The following TTC29 variants were observed in gnomAD, a reference collection of about 807,000 sequenced individuals.
TTC29 encodes the protein tetratricopeptide repeat domain 29.
Under a neutral mutation model 58.1 loss-of-function variants are expected in TTC29, and 49 were observed. That is an observed-to-expected ratio of 0.84 (90% CI 0.67 to 1.07). TTC29 has a LOEUF of 1.07. Among genes scored for constraint, TTC29 ranks in the 50% least tolerant of loss-of-function variants. The probability of loss-of-function intolerance (pLI) is 0.00; values close to 1 mark genes in which losing one functional copy is unlikely to be tolerated. For missense variants in TTC29, 582 were observed against 555.6 expected (o/e 1.05, Z -0.48); for synonymous variants, 209 against 196.8 (o/e 1.06, Z -0.52).
intron 6 of TTC29, among the ~76,000 whole-genome samples, chr4:146,886,358 C>T (rs916091284): frequency 6.6e-6 from 1 of 152,134 alleles, no homozygotes; most frequent in Non-Finnish European, 1.5e-5. Flanking sequence ...ACTCAGTTTG[C>T]TAATCTGTTT....
chr4:146,896,989 G>A (rs186101308), intron 6 of TTC29, among the ~76,000 whole-genome samples: 13 of 152,214 alleles, frequency 8.5e-5, no homozygotes, highest in East Asian at 3.9e-4. Context: ...TAAGCCTCTG[G>A]ATTAATGCTT....
intron 11 of TTC29, among the ~76,000 whole-genome samples, chr4:146,773,843 G>T (rs770246825): frequency 1.4e-4 from 21 of 151,396 alleles, no homozygotes; most frequent in African/African-American, 4.6e-4. Context: ...TATATATCTG[G>T]TAGAATTCAG....
At chr4:146,941,217 G>A (rs73855096) in intron 2 of TTC29, among the ~76,000 whole-genome samples, 1 of 152,164 alleles carries the variant, frequency 6.6e-6, no homozygotes, top group Admixed American at 6.5e-5. Flanking sequence ...ATCCCACCCC[G>A]TCTATGTCCA....
At chr4:146,790,355 A>T (rs1357805906) in intron 11 of TTC29, among the ~76,000 whole-genome samples, 1 of 151,660 alleles carries the variant, frequency 6.6e-6, no homozygotes, top group African/African-American at 2.4e-5. Flanking sequence ...TGCCTGGCTA[A>T]ATTTTGTATT....
chr4:146,724,266 T>C (rs1743598615), intron 11 of TTC29, among the ~76,000 whole-genome samples: 1 of 152,168 alleles, frequency 6.6e-6, no homozygotes, highest in Non-Finnish European at 1.5e-5. Flanking sequence ...ATCTAGCTGT[T>C]GGGTGCTATG....
At chr4:146,836,026 T>C (rs940928323) in intron 8 of TTC29, among the ~76,000 whole-genome samples, 2 of 152,112 alleles carry the variant, frequency 1.3e-5, no homozygotes, top group African/African-American at 4.8e-5. Flanking sequence ...ATAAGAATAC[T>C]TGGATTCATG....
At chr4:146,872,543 A>T (rs1561207556) in intron 7 of TTC29, among the ~76,000 whole-genome samples, 2 of 152,032 alleles carry the variant, frequency 1.3e-5, no homozygotes, top group African/African-American at 2.4e-5. Flanking sequence ...ACTCAATAAT[A>T]AAAAAATAAC....
chr4:146,762,477 C>T (rs369776792), intron 11 of TTC29, among the ~76,000 whole-genome samples: 8 of 151,274 alleles, frequency 5.3e-5, no homozygotes, highest in South Asian at 2.1e-4. Context: ...CCTTGGATAA[C>T]GTATATAGTA....
At chr4:146,780,305 GTGTGTGT>G (rs1561118093) in intron 11 of TTC29, among the ~76,000 whole-genome samples, 39 of 43,320 alleles carry the variant, frequency 9.0e-4, no homozygotes, top group African/African-American at 4.3e-3. Flanking sequence ...AACTTGGGGT[GTGTGTGT>G]GTGTGTGTGT....
intron 4 of TTC29, among the ~76,000 whole-genome samples, chr4:146,930,977 A>G (rs567290335): frequency 6.6e-6 from 1 of 152,304 alleles, no homozygotes; most frequent in East Asian, 1.9e-4. Flanking sequence ...CTTCAGCTAT[A>G]TTCTTTGTAT....
In TTC29 at chr4:146,837,665, A is replaced by G. The variant is rs539848370; in HGVS notation, c.886-3768T>C. Among the ~76,000 whole-genome samples, 6 of 152,150 alleles carry G rather than the reference A, an allele frequency of 3.9e-5. No individual in the cohort carries two copies. The East Asian group carries it at 1.2e-3, about 29-fold the overall frequency. On this transcript the variant is annotated intron_variant, in intron 8 of 12. Coordinates refer to ENST00000325106, the MANE Select transcript of TTC29 (RefSeq NM_031956.4). ...AATACTTCAAGTATTATAAGAAAAT[A>G]CAGTGTGGCAATCTGAGGGGTGCAC...
chr4:146,812,617 C>G (rs972590884), intron 10 of TTC29: 34 of 152,116 alleles, frequency 2.2e-4, no homozygotes, highest in Admixed American at 2.0e-3. Flanking sequence ...TCAAATTGTA[C>G]TTAGTATTCC....
At chr4:146,907,599 A>G (rs1175484479) in intron 5 of TTC29, among the ~76,000 whole-genome samples, 1 of 152,154 alleles carries the variant, frequency 6.6e-6, no homozygotes, top group Non-Finnish European at 1.5e-5. Context: ...CTCGGGTTCA[A>G]GCAATTCCCT....
rs577243168 is a variant in TTC29 at position 146,911,318 on chromosome 4, G to A, written c.177-2069C>T. On this transcript the variant is annotated intron_variant, in intron 4 of 12. Transcript: ENST00000325106. ...TCACAATGTCATCTGGCCATAGCAAGGAGATGTATCCTAATGACTGCTCAT... is the reference window on the plus strand; with the variant it reads ...TCACAATGTCATCTGGCCATAGCAAAGAGATGTATCCTAATGACTGCTCAT... 5.3e-5 allele frequency among the ~76,000 whole-genome samples: 8 copies of A among 152,284 alleles called. 1 individual carries two copies. In the South Asian group the frequency reaches 1.7e-3, roughly 32 times the overall value.
intron 11 of TTC29, among the ~76,000 whole-genome samples, chr4:146,728,804 C>CATATATATAT (rs1744035822): frequency 8.7e-6 from 1 of 115,520 alleles, no homozygotes; most frequent in Non-Finnish European, 1.9e-5. Context: ...CGTATATATA[C>CATATATATAT]ACATATATAT....
chr4:146,754,240 A>C (rs937544911), intron 11 of TTC29, among the ~76,000 whole-genome samples: 3 of 152,064 alleles, frequency 2.0e-5, no homozygotes, highest in African/African-American at 7.2e-5. Context: ...CTAGATTAAA[A>C]GGATAAATTG....
At chr4:146,915,604 T>A (rs1405636198) in intron 4 of TTC29, among the ~76,000 whole-genome samples, 1 of 152,056 alleles carries the variant, frequency 6.6e-6, no homozygotes, top group Non-Finnish European at 1.5e-5. Context: ...GATGAATAGA[T>A]GCAATGAATA....
chr4:146,863,076 C>A (rs1304229286), intron 8 of TTC29, among the ~76,000 whole-genome samples: 3 of 149,756 alleles, frequency 2.0e-5, no homozygotes, highest in African/African-American at 7.4e-5. Context: ...GAACCGAGAT[C>A]GTGCCACTAC....
intron 11 of TTC29, among the ~76,000 whole-genome samples, chr4:146,720,391 A>G (rs1250182229): frequency 6.6e-6 from 1 of 152,156 alleles, no homozygotes; most frequent in Non-Finnish European, 1.5e-5. Flanking sequence ...AAGGTATTTA[A>G]TGTGAACATT....
Sources: gnomAD v4.1 joint callset for allele counts (sites outside exome capture counted in the v4.1 genomes callset) on GRCh38, gnomAD v4.1.1 for gene constraint, MANE v1.5 for transcripts, NCBI Gene and HGNC (gene_info 2026-07-23, HGNC 2026-07-21) for gene names.